The following FMR1NB variants were observed in gnomAD, a reference collection of about 807,000 sequenced individuals.
FMR1NB encodes the protein FMR1 neighbor protein.
A neutral mutation model predicts 16.8 loss-of-function variants in FMR1NB; 10 were observed. The ratio of observed to expected loss-of-function variants is 0.60; its 90% CI spans 0.37 to 1.01. FMR1NB has a LOEUF of 1.01. Ranked by LOEUF, FMR1NB falls within the 50% of genes least tolerant of loss-of-function variation. The pLI is 0.01. For missense variants in FMR1NB, 205 were observed against 204.8 expected (o/e 1.00, Z 0.00); for synonymous variants, 83 against 79.1 (o/e 1.05, Z -0.26).
intron 5 of FMR1NB, 99 bp downstream of exon 5, chrX:148,025,112 T>A: frequency 1.1e-6 from 1 of 944,396 alleles, no homozygotes; most frequent in Non-Finnish European, 1.5e-6. Flanking sequence ...ACATTTTTTT[T>A]AACCACACAA....
Position 148,006,783 on chromosome X carries a change from A to C in FMR1NB, c.479A>C (p.Lys160Thr). Residue 160 changes from lysine (K) to threonine (T), a missense_variant, in exon 3 of 6, where the codon AAA becomes ACA. Transcript: ENST00000370467. ...AGTGAGAGTGAATGTTTGAGACACAAATGCTGTTTTTCATCATCGGGGACC... is the reference window on the plus strand; with the variant it reads ...AGTGAGAGTGAATGTTTGAGACACACATGCTGTTTTTCATCATCGGGGACC... Reference protein sequence around the residue: ...DLSESECLRHKCCFSSSGTTS... With the variant: ...DLSESECLRHTCCFSSSGTTS... The C allele has an allele frequency of 8.3e-7, 1 of 1,210,986 alleles. No homozygotes were observed. Among genetic ancestry groups the C allele is most frequent in the East Asian group, 3.0e-5 (1 of 33,825 alleles).
chrX:148,012,084 T>A (rs1481694856), intron 4 of FMR1NB, among the ~76,000 whole-genome samples: 1 of 111,791 alleles, frequency 8.9e-6, no homozygotes, highest in African/African-American at 3.3e-5. Flanking sequence ...TAGGTATAAG[T>A]GTCACTAGTA....
chrX:148,006,874 T>C, intron 3 of FMR1NB, 32 bp downstream of exon 3: 1 of 1,169,257 alleles, frequency 8.6e-7, no homozygotes, highest in Non-Finnish European at 1.2e-6. Flanking sequence ...TATTTCTATT[T>C]TTTAATATTA....
chrX:148,021,768 A>G (rs1462490865), intron 4 of FMR1NB, among the ~76,000 whole-genome samples: 1 of 110,668 alleles, frequency 9.0e-6, no homozygotes, highest in Non-Finnish European at 1.9e-5. Context: ...CTCTTTCACC[A>G]TAGGTTCCTT....
intron 4 of FMR1NB, among the ~76,000 whole-genome samples, chrX:148,023,134 A>G (rs1483096525): frequency 9.0e-6 from 1 of 111,655 alleles, no homozygotes; most frequent in Non-Finnish European, 1.9e-5. Flanking sequence ...GTAGTATTCA[A>G]TATATCGTGT....
At chrX:148,017,866 A>G (rs1172262889) in intron 4 of FMR1NB, among the ~76,000 whole-genome samples, 1 of 106,905 alleles carries the variant, frequency 9.4e-6, no homozygotes, top group African/African-American at 3.5e-5. Context: ...AAAGGACGTG[A>G]ACTCATCATT....
intron 4 of FMR1NB, among the ~76,000 whole-genome samples, chrX:148,015,915 T>C (rs2124626190): frequency 8.9e-6 from 1 of 112,294 alleles, no homozygotes; most frequent in East Asian, 2.8e-4. Flanking sequence ...TTGAAGTCAC[T>C]AGCTATTATT....
At chrX:148,010,522 C>A (rs2044618470) in intron 4 of FMR1NB, among the ~76,000 whole-genome samples, 3 of 111,709 alleles carry the variant, frequency 2.7e-5, no homozygotes, top group African/African-American at 9.8e-5. Context: ...CAAGATATCT[C>A]CTTAGAACGA....
intron 1 of FMR1NB, among the ~76,000 whole-genome samples, chrX:147,988,737 C>T (rs1376873596): frequency 7.2e-5 from 8 of 111,450 alleles, no homozygotes; most frequent in African/African-American, 2.0e-4. Context: ...CTTGTCTTCA[C>T]GCCTTATTTC....
chrX:148,006,822 G>A lies in FMR1NB; in HGVS notation c.518G>A (p.Cys173Tyr). The change falls in exon 3 of 6, where the codon TGT becomes TAT. Residue 173 changes from cysteine to tyrosine, a missense_variant. Cys to Tyr is a radical substitution (Grantham distance 194, BLOSUM62 -2). Transcript: ENST00000370467. ...TCATCGGGGACCACGAGCTTCAAAT[G>A]TTTTGCTCCATTTAGAGATGGTAAG... The part of the protein sequence containing the change: ...FSSSGTTSFK[C>Y]FAPFRDVPKQ... The A allele has an allele frequency of 8.3e-7, 1 of 1,208,807 alleles. No homozygotes were observed. Among genetic ancestry groups the A allele is most frequent in the South Asian group, 1.8e-5 (1 of 55,886 alleles).
chrX:148,015,609 ATGTGTTTGTAT>A (rs2044645725), intron 4 of FMR1NB, among the ~76,000 whole-genome samples: 1 of 111,784 alleles, frequency 8.9e-6, no homozygotes, highest in African/African-American at 3.3e-5. Context: ...TTTAATTTCC[ATGTGTTTGTAT>A]AGTTTCCAAA....
At chrX:147,995,959 C>T (rs1423329237) in intron 1 of FMR1NB, among the ~76,000 whole-genome samples, 1 of 112,073 alleles carries the variant, frequency 8.9e-6, no homozygotes, top group Non-Finnish European at 1.9e-5. Flanking sequence ...CCTCTTTAGG[C>T]TTCAGTTATC....
intron 1 of FMR1NB, among the ~76,000 whole-genome samples, chrX:147,994,447 A>G (rs1444663354): frequency 2.7e-5 from 3 of 112,724 alleles, no homozygotes; most frequent in Non-Finnish European, 3.7e-5. Context: ...TTTAATGATC[A>G]TTTACAAATC....
At chrX:147,981,746 G>T in intron 1 of FMR1NB, 67 bp downstream of exon 1, 2 of 945,932 alleles carry the variant, frequency 2.1e-6, no homozygotes, top group Non-Finnish European at 2.8e-6. Flanking sequence ...GAGGGGGGCG[G>T]GGTGTGGCAA....
chrX:148,014,709 A>G (rs781987770), intron 4 of FMR1NB, among the ~76,000 whole-genome samples: 2 of 111,700 alleles, frequency 1.8e-5, no homozygotes, highest in Non-Finnish European at 3.8e-5. Flanking sequence ...CAGTGGCACA[A>G]TCACGGCTTA....
intron 1 of FMR1NB, among the ~76,000 whole-genome samples, chrX:147,991,391 A>G (rs1557187595): frequency 9.1e-6 from 1 of 109,909 alleles, no homozygotes. Flanking sequence ...TCACAAAGGT[A>G]TACCCTCCAT....
At chrX:147,981,814 G>C in intron 1 of FMR1NB, 135 bp downstream of exon 1, 1 of 708,741 alleles carries the variant, frequency 1.4e-6, no homozygotes, top group Non-Finnish European at 2.0e-6. Context: ...CCTCCCAAAG[G>C]CCTTTATGGC....
intron 4 of FMR1NB, among the ~76,000 whole-genome samples, chrX:148,010,394 A>G (rs2044617792): frequency 8.9e-6 from 1 of 111,755 alleles, no homozygotes; most frequent in Non-Finnish European, 1.9e-5. Context: ...GGGCACTTTC[A>G]GCCTATTGTG....
chrX:148,004,752 G>A (rs1235412212), intron 2 of FMR1NB, among the ~76,000 whole-genome samples: 4 of 112,225 alleles, frequency 3.6e-5, no homozygotes, highest in African/African-American at 1.3e-4. Context: ...ATACACACTG[G>A]CAGGGAAGCT....
Sources: gnomAD v4.1 joint callset for allele counts (sites outside exome capture counted in the v4.1 genomes callset) on GRCh38, gnomAD v4.1.1 for gene constraint, MANE v1.5 for transcripts, NCBI Gene and HGNC (gene_info 2026-07-23, HGNC 2026-07-21) for gene names.